Variants in ZFHX3 observed in about 807,000 individuals in gnomAD.
ZFHX3 encodes zinc finger homeobox 3, also known as zinc finger homeobox protein 3.
A neutral mutation model predicts 279.1 loss-of-function variants in ZFHX3; 42 were observed. The observed-to-expected ratio is 0.15, with a 90% CI of 0.12 to 0.19. The LOEUF (loss-of-function observed/expected upper bound fraction) is 0.19, where lower values mean the gene tolerates loss of function less well. Ranked by LOEUF, ZFHX3 falls within the 10% of genes least tolerant of loss-of-function variation. The pLI is 1.00. For missense variants in ZFHX3, 4,981 were observed against 4,754.0 expected (o/e 1.05, Z -1.40); for synonymous variants, 2,293 against 1,957.8 (o/e 1.17, Z -4.52).
At chr16:73,474,192 G>A (rs886217994) in intron 2 of ZFHX3, among the ~76,000 whole-genome samples, 1 of 151,896 alleles carries the variant, frequency 6.6e-6, no homozygotes, top group African/African-American at 2.4e-5. Flanking sequence ...CTGTCACCCA[G>A]GCTGGAGTGC....
chr16:73,129,018 C>T (rs765623570), intron 7 of ZFHX3, among the ~76,000 whole-genome samples: 1 of 152,088 alleles, frequency 6.6e-6, no homozygotes, highest in Non-Finnish European at 1.5e-5. Flanking sequence ...TAAGTCTCTC[C>T]TTAAACCTTC....
intron 5 of ZFHX3, among the ~76,000 whole-genome samples, chr16:73,178,284 C>T (rs1475986600): frequency 6.6e-6 from 1 of 151,916 alleles, no homozygotes; most frequent in South Asian, 2.1e-4. Context: ...ATTACAGGCA[C>T]CCGCCACAAC....
intron 5 of ZFHX3, among the ~76,000 whole-genome samples, chr16:73,164,989 C>T (rs887985294): frequency 6.6e-6 from 1 of 152,218 alleles, no homozygotes; most frequent in Non-Finnish European, 1.5e-5. Flanking sequence ...CATACTGCCA[C>T]TCATTGACAA....
intron 3 of ZFHX3, among the ~76,000 whole-genome samples, chr16:73,411,921 T>C (rs1015241245): frequency 3.9e-5 from 6 of 152,188 alleles, no homozygotes; most frequent in African/African-American, 9.7e-5. Context: ...TGGAAATAAG[T>C]CTTTCTTGGT....
chr16:73,357,326 A>T (rs1200716224), intron 3 of ZFHX3, among the ~76,000 whole-genome samples: 2 of 151,174 alleles, frequency 1.3e-5, no homozygotes, highest in African/African-American at 4.8e-5. Flanking sequence ...AATTAATTAC[A>T]AAAAATAACA....
chr16:72,916,670 G>A (rs910047483), intron 3 of ZFHX3, among the ~76,000 whole-genome samples: 8 of 152,268 alleles, frequency 5.3e-5, no homozygotes, highest in African/African-American at 1.2e-4. Flanking sequence ...AATAAAAAAA[G>A]AAAATGTCTA....
chr16:73,119,114 A>AT (rs34837490), intron 7 of ZFHX3, among the ~76,000 whole-genome samples: 123,921 of 151,478 alleles, frequency 0.82, 51,059 homozygotes, highest in Middle Eastern at 0.9. Flanking sequence ...TTTTATTTTT[A>AT]TTTTTTTGAG....
intron 3 of ZFHX3, among the ~76,000 whole-genome samples, chr16:73,416,122 CA>C (rs1234376040): frequency 0.16 from 12,240 of 74,584 alleles, 1,087 homozygotes; most frequent in African/African-American, 0.31. Flanking sequence ...GACTCCATCT[CA>C]AAAAAAAAAA....
At chr16:73,634,178 A>G (rs766272542) in intron 2 of ZFHX3, among the ~76,000 whole-genome samples, 1 of 151,774 alleles carries the variant, frequency 6.6e-6, no homozygotes, top group Non-Finnish European at 1.5e-5. Context: ...CAATACTGTA[A>G]AAAGGAGATG....
intron 3 of ZFHX3, among the ~76,000 whole-genome samples, chr16:73,350,368 G>T (rs186035210): frequency 1.3e-5 from 2 of 152,126 alleles, no homozygotes; most frequent in South Asian, 2.1e-4. Flanking sequence ...CAGTGTGCAC[G>T]GCCCTACTTT....
At chr16:72,799,396 C>T (rs1031920252) in intron 8 of ZFHX3, among the ~76,000 whole-genome samples, 1 of 152,094 alleles carries the variant, frequency 6.6e-6, no homozygotes, top group African/African-American at 2.4e-5. Context: ...TGTCCATTGT[C>T]TAATATGGAA....
At chr16:72,912,927 G>C (rs61655021) in intron 3 of ZFHX3, among the ~76,000 whole-genome samples, 2,863 of 152,172 alleles carry the variant, frequency 0.019, 80 homozygotes, top group African/African-American at 0.065. Flanking sequence ...GTTTCACCAC[G>C]TTGGCCAGAA....
intron 5 of ZFHX3, among the ~76,000 whole-genome samples, chr16:72,825,898 T>C (rs2036916997): frequency 6.6e-6 from 1 of 152,180 alleles, no homozygotes. Flanking sequence ...ATTGTTCAGT[T>C]CAGATGCAGA....
intron 2 of ZFHX3, among the ~76,000 whole-genome samples, chr16:73,611,194 G>C (rs1301644655): frequency 6.6e-6 from 1 of 152,024 alleles, no homozygotes; most frequent in African/African-American, 2.4e-5. Flanking sequence ...AAGCTTCCCG[G>C]GTTCTTCTCA....
At chr16:73,173,555 C>T (rs1246797197) in intron 5 of ZFHX3, among the ~76,000 whole-genome samples, 1 of 152,088 alleles carries the variant, frequency 6.6e-6, no homozygotes, top group African/African-American at 2.4e-5. Flanking sequence ...TTAAAGTCTT[C>T]CCCGGACAGT....
At chr16:73,416,132 A>AAC (rs1555514982) in intron 3 of ZFHX3, among the ~76,000 whole-genome samples, 7 of 151,316 alleles carry the variant, frequency 4.6e-5, no homozygotes, top group Non-Finnish European at 7.4e-5. Flanking sequence ...CAAAAAAAAA[A>AAC]AAAAAACAAA....
At chr16:73,027,226 C>T (rs1395561096) in intron 1 of ZFHX3, among the ~76,000 whole-genome samples, 1 of 152,220 alleles carries the variant, frequency 6.6e-6, no homozygotes, top group African/African-American at 2.4e-5. Flanking sequence ...AACTGGCCCG[C>T]AGACTAGAGT....
At chr16:72,923,815 G>A (rs920499999) in intron 3 of ZFHX3, among the ~76,000 whole-genome samples, 2 of 152,116 alleles carry the variant, frequency 1.3e-5, no homozygotes, top group Non-Finnish European at 1.5e-5. Context: ...ACTCATTCCC[G>A]ATCAACATAC....
rs542451277 is a variant in ZFHX3, at chr16:72,859,676, T to C, written c.3449-29817A>G. Among the ~76,000 whole-genome samples the C allele has an allele frequency of 3.3e-5, 5 of 152,072 alleles. No homozygotes were observed. The South Asian group carries it at 1.0e-3, about 32-fold the overall frequency. ...TGGCCCCACTGGAGTACAAGGAAAA[T>C]TCAGCGCAGAAACGAGCTTTACTGA... On this transcript the variant is annotated intron_variant, in intron 4 of 9. Coordinates refer to ENST00000268489, the MANE Select transcript of ZFHX3 (RefSeq NM_006885.4).
Sources: allele counts gnomAD v4.1 joint callset (sites outside exome capture counted in the v4.1 genomes callset), GRCh38; gene constraint gnomAD v4.1.1; transcripts MANE v1.5; gene names NCBI Gene and HGNC (gene_info 2026-07-23, HGNC 2026-07-21).